SH3GL2: variants seen among roughly 807,000 people sequenced by gnomAD.
SH3GL2 encodes the protein SH3 domain containing GRB2 like 2, endophilin A1, also known as endophilin-A1.
SH3GL2 carries 24 observed loss-of-function variants against 46.0 expected under a neutral mutation model. The observed-to-expected ratio is 0.52, with a 90% CI of 0.38 to 0.73. SH3GL2 has a LOEUF of 0.73. Ranked by LOEUF, SH3GL2 falls within the 30% of genes least tolerant of loss-of-function variation. SH3GL2 has a pLI of 0.00. For missense variants in SH3GL2, 413 were observed against 424.2 expected, an observed-to-expected ratio of 0.97 and a Z score of 0.23; for synonymous variants, 196 against 147.1, an observed-to-expected ratio of 1.33 and a Z score of -2.40.
At chr9:17,780,626 C>T (rs1321219973) in intron 3 of SH3GL2, among the ~76,000 whole-genome samples, 3 of 114,742 alleles carry the variant, frequency 2.6e-5, no homozygotes, top group African/African-American at 1.0e-4. Flanking sequence ...GCTATCCCTC[C>T]CCCCTCCCCC....
At chr9:17,756,729 T>C (rs967752397) in intron 2 of SH3GL2, among the ~76,000 whole-genome samples, 1 of 152,276 alleles carries the variant, frequency 6.6e-6, no homozygotes, top group African/African-American at 2.4e-5. Context: ...CTATCATTGA[T>C]GGACATTTGG....
intron 1 of SH3GL2, among the ~76,000 whole-genome samples, chr9:17,720,037 A>T (rs966890487): frequency 6.6e-6 from 1 of 152,066 alleles, no homozygotes; most frequent in South Asian, 2.1e-4. Context: ...GTTGACCAAA[A>T]CAAATACACA....
chr9:17,783,888 T>C (rs573050350), intron 3 of SH3GL2, among the ~76,000 whole-genome samples: 58 of 152,258 alleles, frequency 3.8e-4, no homozygotes, highest in African/African-American at 1.3e-3. Context: ...GTTGAGAGTA[T>C]ATAATAGGAA....
chr9:17,595,777 C>T (rs1334476252), intron 1 of SH3GL2, among the ~76,000 whole-genome samples: 1 of 152,008 alleles, frequency 6.6e-6, no homozygotes, highest in African/African-American at 2.4e-5. Flanking sequence ...AGCCATAAAG[C>T]AGATATGTAA....
chr9:17,643,581 TG>T (rs1819736659), intron 1 of SH3GL2, among the ~76,000 whole-genome samples: 1 of 151,244 alleles, frequency 6.6e-6, no homozygotes, highest in Non-Finnish European at 1.5e-5. Flanking sequence ...TTTTAGTCAT[TG>T]GTTCTGTTTA....
intron 1 of SH3GL2, among the ~76,000 whole-genome samples, chr9:17,647,737 A>G (rs1399346928): frequency 1.3e-5 from 2 of 152,224 alleles, no homozygotes; most frequent in Admixed American, 6.5e-5. Context: ...AGGATTTAGC[A>G]TGGAGCATGG....
chr9:17,695,535 A>G (rs748520370), intron 1 of SH3GL2, among the ~76,000 whole-genome samples: 10 of 151,854 alleles, frequency 6.6e-5, no homozygotes, highest in African/African-American at 1.2e-4. Context: ...ATCTCAATAT[A>G]CTCCTCAGAT....
Position 17,761,451 on chromosome 9 carries a change from C to A in SH3GL2, c.129C>A (p.Thr43=). 1 of 1,605,440 alleles carries A rather than the reference C, an allele frequency of 6.2e-7. No individual in the cohort carries two copies. The highest frequency in any genetic ancestry group is 8.5e-7 in the Non-Finnish European group (1 of 1,172,074). The change falls in exon 3 of 9, where the codon ACC becomes ACA. Residue 43 remains threonine (T), a synonymous_variant. Coordinates refer to ENST00000380607, the MANE Select transcript of SH3GL2 (RefSeq NM_003026.5). ...TCTCATTTCAGAAAGTGGATGTCACCAGCAGGGCTGTGATGGAAATAATGA... is the reference window on the plus strand; with the variant it reads ...TCTCATTTCAGAAAGTGGATGTCACAAGCAGGGCTGTGATGGAAATAATGA... ...FKEMERKVDV[T]SRAVMEIMTK...
intron 1 of SH3GL2, among the ~76,000 whole-genome samples, chr9:17,692,280 CTT>C (rs34029180): frequency 8.3e-4 from 121 of 145,974 alleles, no homozygotes; most frequent in Admixed American, 1.0e-3. Flanking sequence ...TTCTTATTTG[CTT>C]TTTTTTTTTT....
chr9:17,588,317 C>A (rs1412095070), intron 1 of SH3GL2, among the ~76,000 whole-genome samples: 1 of 152,172 alleles, frequency 6.6e-6, no homozygotes, highest in Non-Finnish European at 1.5e-5. Context: ...GTACTCTCCT[C>A]CCCTTTGAGT....
chr9:17,709,351 C>G (rs895273658), intron 1 of SH3GL2, among the ~76,000 whole-genome samples: 3 of 151,962 alleles, frequency 2.0e-5, no homozygotes, highest in African/African-American at 4.8e-5. Flanking sequence ...TACCAAATTC[C>G]TAATCGCAGA....
chr9:17,678,626 T>C (rs563256838), intron 1 of SH3GL2, among the ~76,000 whole-genome samples: 2,743 of 152,330 alleles, frequency 0.018, 36 homozygotes, highest in South Asian at 0.032. Context: ...GCAGAAGCTC[T>C]TTAGTTTAAT....
At chr9:17,726,406 C>T (rs188052396) in intron 1 of SH3GL2, among the ~76,000 whole-genome samples, 1 of 152,234 alleles carries the variant, frequency 6.6e-6, no homozygotes, top group East Asian at 1.9e-4. Flanking sequence ...TGAATAGATA[C>T]TACATTTTTA....
At chr9:17,613,836 A>G (rs3808756) in intron 1 of SH3GL2, among the ~76,000 whole-genome samples, 46,956 of 152,052 alleles carry the variant, frequency 0.31, 7,864 homozygotes, top group East Asian at 0.55. Context: ...TGGCAACACA[A>G]AAAGCTTTCC....
At chr9:17,680,114 G>C (rs1466867418) in intron 1 of SH3GL2, among the ~76,000 whole-genome samples, 1 of 152,146 alleles carries the variant, frequency 6.6e-6, no homozygotes, top group African/African-American at 2.4e-5. Flanking sequence ...TCTCTGCCCG[G>C]CTTTGGTATC....
At chr9:17,744,967 G>A (rs981462007) in intron 1 of SH3GL2, among the ~76,000 whole-genome samples, 1 of 152,144 alleles carries the variant, frequency 6.6e-6, no homozygotes, top group African/African-American at 2.4e-5. Flanking sequence ...AACTTCAGAC[G>A]GAGGCATCCA....
At chr9:17,657,566 A>G (rs979064643) in intron 1 of SH3GL2, among the ~76,000 whole-genome samples, 8 of 152,212 alleles carry the variant, frequency 5.3e-5, no homozygotes, top group Non-Finnish European at 8.8e-5. Flanking sequence ...GAAAGTAGTA[A>G]AACTACCCTG....
intron 1 of SH3GL2, among the ~76,000 whole-genome samples, chr9:17,654,715 A>T (rs1047667500): frequency 6.6e-6 from 1 of 152,250 alleles, no homozygotes; most frequent in Non-Finnish European, 1.5e-5. Flanking sequence ...ATGAACCAGT[A>T]GCTAGTGTGA....
At chr9:17,724,607 G>A (rs1027905159) in intron 1 of SH3GL2, among the ~76,000 whole-genome samples, 8 of 152,072 alleles carry the variant, frequency 5.3e-5, no homozygotes, top group African/African-American at 1.9e-4. Context: ...GTGTGTATGT[G>A]TTTGAATGTC....
Sources: allele counts gnomAD v4.1 joint callset (sites outside exome capture counted in the v4.1 genomes callset), GRCh38; gene constraint gnomAD v4.1.1; transcripts MANE v1.5; gene names NCBI Gene and HGNC (gene_info 2026-07-23, HGNC 2026-07-21).